Variants in RAB2B observed in about 807,000 individuals in gnomAD.
The protein encoded by RAB2B is ras-related protein Rab-2B.
Under a neutral mutation model 29.8 loss-of-function variants are expected in RAB2B, and 20 were observed. The ratio of observed to expected loss-of-function variants is 0.67; its 90% CI spans 0.47 to 0.97. The LOEUF is 0.97. Among genes scored for constraint, RAB2B ranks in the 50% least tolerant of loss-of-function variants. The pLI, the probability that RAB2B is intolerant of heterozygous loss-of-function variation, is 0.00. For synonymous variants in RAB2B, 93 were observed against 91.7 expected (o/e 1.01, Z -0.08); for missense variants, 218 against 272.0 (o/e 0.80, Z 1.40).
intron 4 of RAB2B, 75 bp downstream of exon 4, chr14:21,468,595 A>G: frequency 1.6e-6 from 2 of 1,278,946 alleles, no homozygotes; most frequent in Non-Finnish European, 2.2e-6. Flanking sequence ...TAACAGAATC[A>G]GTAGATAGAA....
At chr14:21,470,759 A>G (rs1890788948) in intron 3 of RAB2B, among the ~76,000 whole-genome samples, 1 of 152,134 alleles carries the variant, frequency 6.6e-6, no homozygotes, top group Admixed American at 6.6e-5. Context: ...CTAAAAGGGA[A>G]AGTTTGAGGG....
chr14:21,476,015 A>G (rs3762162), intron 2 of RAB2B, among the ~76,000 whole-genome samples: 124,084 of 152,224 alleles, frequency 0.82, 51,802 homozygotes, highest in Middle Eastern at 0.93. Flanking sequence ...GGAAAGGTTA[A>G]TATTTTCCAG....
At position 21,476,953 on chromosome 14, in the gene RAB2B, G is replaced by T; in HGVS notation, c.-81C>A. The T allele has an allele frequency of 1.4e-6, 2 of 1,475,176 alleles. No individual in the cohort carries two copies. The highest frequency in any genetic ancestry group is 9.4e-7 in the Non-Finnish European group (1 of 1,059,420). 91.4% of individuals were successfully genotyped at this position (1,475,176 alleles called of 1,614,324 possible). The stretch of plus-strand genomic sequence containing the variant: ...GACCTCTCTAGCCACTCAATCTACC[G>T]ATCTTCTTCTTCTCCCCCTTCCCCC... On this transcript the variant is annotated 5_prime_UTR_variant, in exon 1 of 8. Coordinates refer to ENST00000397762, the MANE Select transcript of RAB2B (RefSeq NM_032846.4).
At position 21,468,712 on chromosome 14, in the gene RAB2B, T is replaced by C. The variant is rs1890741078; in HGVS notation, c.227A>G (p.Tyr76Cys). The C allele has an allele frequency of 1.9e-6, 3 of 1,578,102 alleles. No individual in the cohort carries two copies. Among genetic ancestry groups the C allele is most frequent in the Non-Finnish European group, 2.6e-6 (3 of 1,164,306 alleles). Residue 76 changes from tyrosine to cysteine, a missense_variant, in exon 4 of 8, where the codon TAC becomes TGC. Physicochemically the swap from Tyr to Cys is radical, Grantham distance 194. Coordinates refer to ENST00000397762, the MANE Select transcript of RAB2B (RefSeq NM_032846.4). ...ESFRSITRSY[Y>C]RGAAGALLVY... ...CAGCAGTGCTCCAGCTGCTCCCCTG[T>C]AGTAGGAACGGGTGATAGAACGGAA...
At chr14:21,474,739 C>T in intron 3 of RAB2B, 128 bp downstream of exon 3, 2 of 713,462 alleles carry the variant, frequency 2.8e-6, no homozygotes, top group Non-Finnish European at 2.4e-6. Context: ...AAACTTCTCT[C>T]TTTGATTTCA....
At chr14:21,476,437 A>G (rs1890968584) in intron 2 of RAB2B, 91 bp downstream of exon 2, 1 of 1,487,368 alleles carries the variant, frequency 6.7e-7, no homozygotes, top group African/African-American at 1.4e-5. Flanking sequence ...GTAACTTTTT[A>G]CTTCGAACAC....
intron 5 of RAB2B, among the ~76,000 whole-genome samples, chr14:21,464,871 C>T (rs1890650337): frequency 6.6e-6 from 1 of 152,046 alleles, no homozygotes. Flanking sequence ...AGCGTGGTGA[C>T]ACATGCCTGT....
intron 3 of RAB2B, among the ~76,000 whole-genome samples, chr14:21,474,021 A>G (rs142045126): frequency 6.6e-6 from 1 of 151,882 alleles, no homozygotes; most frequent in South Asian, 2.1e-4. Context: ...CAGAAAAAAA[A>G]TACAAAAAAT....
At chr14:21,463,809 C>A in intron 5 of RAB2B, 42 bp from the exon 6 acceptor site, 1 of 1,292,360 alleles carries the variant, frequency 7.7e-7, no homozygotes, top group Non-Finnish European at 1.1e-6. Context: ...AAAAAAGATC[C>A]AAGTGAAAGA....
rs1890615919 is a variant in RAB2B at position 21,463,519 on chromosome 14, T to TTA, written c.474+135_474+136dup. On this transcript the variant is annotated intron_variant, in intron 6 of 7. Transcript: ENST00000397762. ...GCCTTGGCCTCCCAAAACGCTAGGA[T>TTA]TACAGGCATGAGCCACCGCGCTCGG... 4 of 651,056 alleles carry TTA rather than the reference T, an allele frequency of 6.1e-6. No homozygotes were observed. The Admixed American group carries it at 1.1e-4, about 17-fold the overall frequency. 40.3% of individuals were successfully genotyped at this position (651,056 alleles called of 1,614,324 possible).
At chr14:21,466,812 A>G (rs1890696854) in intron 5 of RAB2B, among the ~76,000 whole-genome samples, 1 of 152,262 alleles carries the variant, frequency 6.6e-6, no homozygotes, top group African/African-American at 2.4e-5. Flanking sequence ...TGAGAGTAGC[A>G]GTGTGCAATC....
At chr14:21,468,874 A>G (rs1890744775) in intron 3 of RAB2B, 122 bp from the exon 4 acceptor site, 2 of 516,032 alleles carry the variant, frequency 3.9e-6, no homozygotes, top group South Asian at 8.2e-5. Context: ...CTATTACGAA[A>G]AGAGAATTAG....
At chr14:21,476,678 G>C (rs773266615) in intron 1 of RAB2B, 79 bp from the exon 2 acceptor site, 2 of 1,612,172 alleles carry the variant, frequency 1.2e-6, no homozygotes, top group Admixed American at 1.7e-5. Flanking sequence ...ACCAGAGAAG[G>C]GGGGCTCCCG....
chr14:21,470,979 C>T (rs28753668), intron 3 of RAB2B, among the ~76,000 whole-genome samples: 1 of 121,128 alleles, frequency 8.3e-6, no homozygotes, highest in African/African-American at 3.4e-5. Flanking sequence ...GAAACCCCAT[C>T]TCTGCTAAAA....
intron 3 of RAB2B, among the ~76,000 whole-genome samples, chr14:21,471,670 G>GT (rs1384877241): frequency 1.0e-4 from 11 of 109,166 alleles, no homozygotes; most frequent in East Asian, 3.1e-4. Context: ...TAAGATGAAG[G>GT]TTTTTTTTTC....
chr14:21,462,770 G>A (rs55886165), intron 6 of RAB2B, among the ~76,000 whole-genome samples: 28,511 of 148,774 alleles, frequency 0.19, 3,475 homozygotes, highest in African/African-American at 0.34. Flanking sequence ...ACCCAGGAGC[G>A]CAGGTTGCAG....
chr14:21,459,141 A>G lies in RAB2B; in HGVS notation c.*2055T>C, dbSNP rs368189325. On this transcript the variant is annotated 3_prime_UTR_variant, in exon 8 of 8. Transcript: ENST00000397762. The stretch of plus-strand genomic sequence containing the variant: ...ACGGGACATCAAGGAAAAAAGATAT[A>G]TATAGCAACCAACCCAGAAGGCTGC... The G allele has an allele frequency of 2.6e-5, 4 of 152,680 alleles. No individual in the cohort carries two copies. Among genetic ancestry groups the G allele is most frequent in the East Asian group, 1.9e-4 (1 of 5,188 alleles). The allele number at this position is 152,680 out of a possible 1,614,324, so 9.5% of individuals were successfully genotyped here. A position where few individuals can be genotyped will look rare whatever the true frequency, so the allele number is the denominator to read the frequency against.
chr14:21,464,956 G>A (rs978067393), intron 5 of RAB2B, among the ~76,000 whole-genome samples: 7 of 151,822 alleles, frequency 4.6e-5, no homozygotes, highest in Non-Finnish European at 8.8e-5. Context: ...AGCTGAGCAC[G>A]TTACTGTACT....
At chr14:21,464,331 C>T (rs926943709) in intron 5 of RAB2B, among the ~76,000 whole-genome samples, 3 of 152,004 alleles carry the variant, frequency 2.0e-5, no homozygotes, top group East Asian at 3.9e-4. Context: ...ACATGGGAGG[C>T]GGAAGTTGCA....
Sources: gnomAD v4.1 joint callset for allele counts (sites outside exome capture counted in the v4.1 genomes callset) on GRCh38, gnomAD v4.1.1 for gene constraint, MANE v1.5 for transcripts, NCBI Gene and HGNC (gene_info 2026-07-23, HGNC 2026-07-21) for gene names.